Variants in AOX1 observed in about 807,000 individuals in gnomAD.
AOX1 encodes aldehyde oxidase.
AOX1 carries 153 observed loss-of-function variants against 169.5 expected under a neutral mutation model. That is an observed-to-expected ratio of 0.90 (90% CI 0.79 to 1.03). The LOEUF (loss-of-function observed/expected upper bound fraction) is 1.03. Among genes scored for constraint, AOX1 ranks in the 50% least tolerant of loss-of-function variants. The pLI is 0.00. For synonymous variants in AOX1, 562 were observed against 581.9 expected (o/e 0.97, Z 0.49); for missense variants, 1,656 against 1,663.9 (o/e 1.00, Z 0.08).
intron 16 of AOX1, among the ~76,000 whole-genome samples, chr2:200,617,481 C>CAA (rs35035526): frequency 0.036 from 2,062 of 58,072 alleles, 95 homozygotes; most frequent in Non-Finnish European, 0.05. Flanking sequence ...CAACTAACTG[C>CAA]AAAAAAAAAA....
At chr2:200,600,862 A>C (rs1002028693) in intron 5 of AOX1, among the ~76,000 whole-genome samples, 2 of 152,074 alleles carry the variant, frequency 1.3e-5, no homozygotes, top group African/African-American at 4.8e-5. Context: ...CCTGGGACCC[A>C]CCCCTAGAGA....
At chr2:200,671,497 G>C (rs1057107240), downstream of AOX1, 8 of 152,138 alleles carry the variant, frequency 5.3e-5, no homozygotes, top group Non-Finnish European at 8.8e-5. Flanking sequence ...ATGGGCAAAG[G>C]ATTTGAGTAG....
At chr2:200,587,088 G>A (rs1420093508) in intron 1 of AOX1, among the ~76,000 whole-genome samples, 4 of 150,540 alleles carry the variant, frequency 2.7e-5, no homozygotes, top group Admixed American at 6.6e-5. Flanking sequence ...GCAACATGGC[G>A]AAACCTTGTC....
intron 31 of AOX1, among the ~76,000 whole-genome samples, chr2:200,665,274 G>A (rs1311012282): frequency 6.6e-6 from 1 of 152,220 alleles, no homozygotes; most frequent in Admixed American, 6.5e-5. Flanking sequence ...AAACAGGCTG[G>A]CCTGGTAGAG....
intron 29 of AOX1, among the ~76,000 whole-genome samples, chr2:200,660,779 G>T (rs151089679): frequency 6.4e-4 from 98 of 152,266 alleles, no homozygotes; most frequent in African/African-American, 2.1e-3. Flanking sequence ...ACTTAGAAAT[G>T]GTTTCTGCTA....
intron 25 of AOX1, among the ~76,000 whole-genome samples, chr2:200,646,751 G>GTA (rs1293119868): frequency 1.3e-5 from 2 of 151,978 alleles, no homozygotes; most frequent in Non-Finnish European, 2.9e-5. Context: ...TGTTAGGTGT[G>GTA]TATATGTTTA....
In AOX1 at chr2:200,611,484, C is replaced by G; in HGVS notation, c.1254C>G (p.Tyr418Ter). ...TCTTGGTCTCAGTGAACATCCCCTA[C>G]TCAAGGAAGGTGAGAACATCCCACT... ...QEILVSVNIP[Y>*]SRKWEFVSAF... The change falls in exon 13 of 35, where the codon TAC becomes TAG. Residue 418 changes from tyrosine to a stop codon, truncating the protein, a stop_gained. Transcript: ENST00000374700. LOFTEE classifies it high-confidence loss of function. 1 of 1,608,134 alleles carries G rather than the reference C, an allele frequency of 6.2e-7. No individual in the cohort carries two copies. The highest frequency in any genetic ancestry group is 8.5e-7 in the Non-Finnish European group (1 of 1,174,628).
intron 14 of AOX1, among the ~76,000 whole-genome samples, chr2:200,613,027 T>TGAGAGAGA (rs71022328): frequency 0.21 from 31,329 of 145,990 alleles, 3,528 homozygotes; most frequent in Middle Eastern, 0.29. Context: ...TGTGTGTGTG[T>TGAGAGAGA]GAGAGAGAGA....
chr2:200,594,851 C>A (rs774253300), intron 2 of AOX1, among the ~76,000 whole-genome samples: 1 of 152,178 alleles, frequency 6.6e-6, no homozygotes, highest in Non-Finnish European at 1.5e-5. Context: ...GAGAAATACA[C>A]AAACATGGCT....
intron 1 of AOX1, among the ~76,000 whole-genome samples, chr2:200,592,928 A>G (rs1402353635): frequency 6.6e-6 from 1 of 152,190 alleles, no homozygotes; most frequent in Non-Finnish European, 1.5e-5. Flanking sequence ...AACAGCGATA[A>G]TTCAGGACCA....
chr2:200,595,292 T>C lies in AOX1; in HGVS notation c.124T>C (p.Tyr42His). 1 of 1,613,042 alleles carries C rather than the reference T, an allele frequency of 6.2e-7. No individual in the cohort carries two copies. The highest frequency in any genetic ancestry group is 8.5e-7 in the Non-Finnish European group (1 of 1,179,270). ...RKKLRLTGTK[Y>H]GCGGGGCGAC... ...TCCAGTTCGACTCACAGGAACTAAG[T>C]ATGGCTGTGGAGGAGGAGGCTGTGG... The change falls in exon 3 of 35, where the codon TAT becomes CAT. Residue 42 changes from tyrosine (Y) to histidine (H), a missense_variant. Physicochemically the swap from Tyr to His is moderately conservative, Grantham distance 83 (BLOSUM62 2). Transcript: ENST00000374700.
chr2:200,661,457 T>A, intron 29 of AOX1, 122 bp from the exon 30 acceptor site: 2 of 756,820 alleles, frequency 2.6e-6, no homozygotes, highest in Non-Finnish European at 4.5e-6. Context: ...TTAATCTGGG[T>A]CCTTCCTGGT....
chr2:200,657,190 A>ATATATATATTT, intron 27 of AOX1, among the ~76,000 whole-genome samples: 48 of 62,872 alleles, frequency 7.6e-4, no homozygotes, highest in South Asian at 2.7e-3. Context: ...ATATATATAT[A>ATATATATATTT]TTTTTTTTTT....
downstream of AOX1, among the ~76,000 whole-genome samples, chr2:200,677,855 G>A (rs1559267342): frequency 2.6e-5 from 4 of 152,130 alleles, no homozygotes; most frequent in South Asian, 8.3e-4. Flanking sequence ...AGTTGAAACC[G>A]AGCATACCCG....
intron 33 of AOX1, 52 bp from the exon 34 acceptor site, chr2:200,669,519 CATAT>C: frequency 1.9e-6 from 3 of 1,565,600 alleles, no homozygotes; most frequent in Non-Finnish European, 2.6e-6. Flanking sequence ...TAAATATGCA[CATAT>C]ATACAGAGTG....
chr2:200,599,799 T>C, intron 5 of AOX1, 53 bp downstream of exon 5: 1 of 1,310,988 alleles, frequency 7.6e-7, no homozygotes, highest in Non-Finnish European at 9.8e-7. Flanking sequence ...TTTATTTATT[T>C]TTTGAGACGG....
chr2:200,647,944 GT>G (rs35236730), intron 25 of AOX1, among the ~76,000 whole-genome samples: 60,827 of 151,776 alleles, frequency 0.4, 13,541 homozygotes, highest in East Asian at 0.79. Context: ...TTTTTTTATT[GT>G]TTTTTTCTTT....
At chr2:200,664,294 T>C (rs2035886717) in intron 31 of AOX1, among the ~76,000 whole-genome samples, 1 of 152,206 alleles carries the variant, frequency 6.6e-6, no homozygotes, top group Admixed American at 6.5e-5. Flanking sequence ...CAGCTAATTT[T>C]TGTATTTTTA....
chr2:200,640,922 T>C (rs2035340016), intron 23 of AOX1, among the ~76,000 whole-genome samples, 176 bp from the exon 24 acceptor site: 2 of 152,218 alleles, frequency 1.3e-5, no homozygotes, highest in South Asian at 2.1e-4. Flanking sequence ...TCACAGATAG[T>C]CTGAGTGGTT....
Sources: gnomAD v4.1 joint callset for allele counts (sites outside exome capture counted in the v4.1 genomes callset) on GRCh38, gnomAD v4.1.1 for gene constraint, MANE v1.5 for transcripts, NCBI Gene and HGNC (gene_info 2026-07-23, HGNC 2026-07-21) for gene names.